Variants in COL15A1 observed in about 807,000 individuals in gnomAD.
COL15A1 encodes the protein collagen alpha-1(XV) chain.
A neutral mutation model predicts 165.9 loss-of-function variants in COL15A1; 111 were observed. The observed-to-expected ratio is 0.67, with a 90% CI of 0.57 to 0.78. The LOEUF is 0.78. COL15A1 is among the 30% of genes least tolerant of loss of function. COL15A1 has a pLI of 0.00. For synonymous variants in COL15A1, 659 were observed against 674.8 expected (o/e 0.98, Z 0.36); for missense variants, 1,745 against 1,789.7 (o/e 0.98, Z 0.45).
At chr9:99,003,866 T>C (rs917160085) in intron 8 of COL15A1, among the ~76,000 whole-genome samples, 1 of 151,918 alleles carries the variant, frequency 6.6e-6, no homozygotes, top group African/African-American at 2.4e-5. Flanking sequence ...CTGTGGTCAG[T>C]GGTAGGTGAA....
intron 21 of COL15A1, among the ~76,000 whole-genome samples, chr9:99,037,508 C>G (rs1402304046): frequency 6.6e-6 from 1 of 152,160 alleles, no homozygotes; most frequent in Non-Finnish European, 1.5e-5. Flanking sequence ...TGCTTGAGCC[C>G]AAGAGCTTAA....
intron 2 of COL15A1, among the ~76,000 whole-genome samples, chr9:98,945,284 C>T (rs1050057786): frequency 4.6e-5 from 7 of 152,102 alleles, no homozygotes; most frequent in African/African-American, 7.2e-5. Context: ...TTAATCCCAT[C>T]GCAATGCAGG....
chr9:99,066,328 G>T (rs565365150), intron 39 of COL15A1, among the ~76,000 whole-genome samples: 1 of 152,324 alleles, frequency 6.6e-6, no homozygotes, highest in South Asian at 2.1e-4. Flanking sequence ...CCTAGTTCCA[G>T]AAGGGTCTAT....
chr9:99,031,342 C>A (rs535942869), intron 16 of COL15A1, among the ~76,000 whole-genome samples: 1 of 152,246 alleles, frequency 6.6e-6, no homozygotes, highest in African/African-American at 2.4e-5. Flanking sequence ...CTTCCCATGC[C>A]CCACGCATGC....
In COL15A1 at chr9:99,022,124, G is replaced by C; in HGVS notation, c.1735G>C (p.Glu579Gln). The C allele has an allele frequency of 6.2e-7, 1 of 1,614,148 alleles. No individual in the cohort carries two copies. The highest frequency in any genetic ancestry group is 8.5e-7 in the Non-Finnish European group (1 of 1,179,992). Residue 579 changes from glutamate to glutamine, a missense_variant, in exon 13 of 42, where the codon GAA (glutamate) becomes CAA (glutamine). Transcript: ENST00000375001. ...DAGEELPGPP[E>Q]PSGPVGPTAG... The stretch of plus-strand genomic sequence containing the variant: ...TGGGGAGGAGCTTCCTGGCCCTCCT[G>C]AACCTTCTGGGCCTGTTGGACCCAC...
chr9:99,023,480 C>T (rs1227242299), intron 14 of COL15A1, 31 bp downstream of exon 14: 1 of 990,200 alleles, frequency 1.0e-6, no homozygotes, highest in African/African-American at 1.6e-5. Flanking sequence ...GACCTGGTGT[C>T]TGGGACTGCC....
intron 2 of COL15A1, among the ~76,000 whole-genome samples, chr9:98,947,036 C>T (rs1345040136): frequency 7.2e-5 from 11 of 152,160 alleles, no homozygotes; most frequent in Admixed American, 7.2e-4. Flanking sequence ...CTAGAACTTC[C>T]ACTCCTAAGT....
intron 24 of COL15A1, among the ~76,000 whole-genome samples, chr9:99,044,010 T>A (rs1279581202): frequency 6.6e-6 from 1 of 152,184 alleles, no homozygotes; most frequent in African/African-American, 2.4e-5. Context: ...ACGTTGCATA[T>A]GGAGACATAA....
chr9:99,046,464 G>A (rs1409358511), intron 26 of COL15A1, among the ~76,000 whole-genome samples: 1 of 152,106 alleles, frequency 6.6e-6, no homozygotes, highest in African/African-American at 2.4e-5. Flanking sequence ...CCATTCTCAC[G>A]CTGCTATGAA....
At chr9:98,970,014 T>C (rs781652699) in intron 2 of COL15A1, among the ~76,000 whole-genome samples, 2 of 150,940 alleles carry the variant, frequency 1.3e-5, no homozygotes, top group Non-Finnish European at 2.9e-5. Context: ...ATCAACATCT[T>C]TGGGAGTGAG....
At chr9:98,960,147 C>T (rs1837843133) in intron 2 of COL15A1, among the ~76,000 whole-genome samples, 1 of 151,630 alleles carries the variant, frequency 6.6e-6, no homozygotes, top group African/African-American at 2.4e-5. Context: ...GGGGCTCACA[C>T]CTGTAATCCC....
intron 16 of COL15A1, among the ~76,000 whole-genome samples, chr9:99,027,583 G>A (rs112143281): frequency 7.1e-6 from 1 of 141,268 alleles, no homozygotes; most frequent in Non-Finnish European, 1.5e-5. Context: ...ACTCTGTCTC[G>A]AACTTAAAGA....
At chr9:98,991,911 T>C (rs914923501) in intron 5 of COL15A1, among the ~76,000 whole-genome samples, 1 of 152,020 alleles carries the variant, frequency 6.6e-6, no homozygotes, top group Admixed American at 6.5e-5. Context: ...AAGTCCCCAC[T>C]AGATTAGCTA....
chr9:99,051,190 A>C (rs1017732164), intron 30 of COL15A1, among the ~76,000 whole-genome samples: 1 of 152,094 alleles, frequency 6.6e-6, no homozygotes, highest in African/African-American at 2.4e-5. Flanking sequence ...AACTAACATG[A>C]TTTCAGGCCT....
At chr9:98,972,067 G>C (rs1838066216) in intron 2 of COL15A1, among the ~76,000 whole-genome samples, 1 of 152,142 alleles carries the variant, frequency 6.6e-6, no homozygotes, top group Admixed American at 6.5e-5. Flanking sequence ...CTACACACCA[G>C]GCCCTGTGCG....
At chr9:99,036,428 A>G (rs370661146) in intron 21 of COL15A1, 32 bp downstream of exon 21, 65 of 1,608,844 alleles carry the variant, frequency 4.0e-5, no homozygotes, top group Non-Finnish European at 5.4e-5. Context: ...GCTTGTCTAC[A>G]TATTTTCCAC....
At chr9:98,954,115 C>T (rs1468190866) in intron 2 of COL15A1, among the ~76,000 whole-genome samples, 1 of 152,192 alleles carries the variant, frequency 6.6e-6, no homozygotes, top group Non-Finnish European at 1.5e-5. Context: ...TTTCCTAACA[C>T]AGTGTAAGCA....
rs374020392 is a variant in COL15A1, at chr9:99,040,569, C to T, written c.2511+13C>T. On this transcript the variant is annotated intron_variant, in intron 23 of 41. Transcript: ENST00000375001. ...GCCAGGATTTCCAGTAAGTACCACC[C>T]TCGCTGTCTTCTATCTGTGCCCCGT... 1 of 1,614,232 alleles carries T rather than the reference C, an allele frequency of 6.2e-7. No individual in the cohort carries two copies. The highest frequency in any genetic ancestry group is 1.3e-5 in the African/African-American group (1 of 75,060).
chr9:99,025,446 GC>G (rs1163429315), intron 15 of COL15A1, among the ~76,000 whole-genome samples: 2 of 152,200 alleles, frequency 1.3e-5, no homozygotes, highest in Non-Finnish European at 2.9e-5. Flanking sequence ...TTTAAGTTAG[GC>G]TAGGCTAAGC....
Sources: gnomAD v4.1 joint callset for allele counts (sites outside exome capture counted in the v4.1 genomes callset) on GRCh38, gnomAD v4.1.1 for gene constraint, MANE v1.5 for transcripts, NCBI Gene and HGNC (gene_info 2026-07-23, HGNC 2026-07-21) for gene names.